Variants in EFCAB5 observed in about 807,000 individuals in gnomAD.
The protein encoded by EFCAB5 is EF-hand calcium-binding domain-containing protein 5.
EFCAB5 carries 131 observed loss-of-function variants against 167.9 expected under a neutral mutation model. That is an observed-to-expected ratio of 0.78 (90% CI 0.68 to 0.90). EFCAB5 has a LOEUF of 0.90. Among genes scored for constraint, EFCAB5 ranks in the 40% least tolerant of loss-of-function variants. The pLI is 0.00. For missense variants in EFCAB5, 1,663 were observed against 1,745.2 expected, an observed-to-expected ratio of 0.95 and a Z score of 0.84; for synonymous variants, 574 against 602.8, an observed-to-expected ratio of 0.95 and a Z score of 0.70.
intron 3 of EFCAB5, among the ~76,000 whole-genome samples, chr17:29,946,232 G>A (rs776562849): frequency 6.6e-6 from 1 of 152,046 alleles, no homozygotes; most frequent in Non-Finnish European, 1.5e-5. Flanking sequence ...GTGAAAAAGT[G>A]CTGAACATCA....
intron 3 of EFCAB5, among the ~76,000 whole-genome samples, chr17:29,958,748 GT>G (rs1387158188): frequency 6.6e-6 from 1 of 152,132 alleles, no homozygotes; most frequent in Non-Finnish European, 1.5e-5. Context: ...GTCTGGGCTT[GT>G]TTGTACCCAT....
At chr17:29,932,370 C>A (rs534508299) in intron 1 of EFCAB5, among the ~76,000 whole-genome samples, 1 of 150,186 alleles carries the variant, frequency 6.7e-6, no homozygotes, top group Non-Finnish European at 1.5e-5. Context: ...AGGCTGGTCT[C>A]GAACTCCTGT....
intron 9 of EFCAB5, among the ~76,000 whole-genome samples, chr17:30,052,925 G>T (rs1423460991): frequency 1.3e-5 from 2 of 152,310 alleles, no homozygotes; most frequent in Admixed American, 6.5e-5. Flanking sequence ...CCTATGTGAT[G>T]CTTATTGTAG....
At chr17:30,063,586 C>T (rs927214306) in intron 14 of EFCAB5, among the ~76,000 whole-genome samples, 9 of 152,148 alleles carry the variant, frequency 5.9e-5, no homozygotes, top group Non-Finnish European at 1.3e-4. Flanking sequence ...TACACCCAAC[C>T]CTGCCACAGA....
chr17:29,984,277 CAG>C (rs2151614666), intron 4 of EFCAB5, among the ~76,000 whole-genome samples: 1 of 151,422 alleles, frequency 6.6e-6, no homozygotes, highest in African/African-American at 2.4e-5. Flanking sequence ...GAGGATGAAA[CAG>C]ATAAATAGCA....
chr17:30,087,135 C>T lies in EFCAB5; in HGVS notation c.3652C>T (p.Pro1218Ser). 6.2e-7 allele frequency: 1 copy of T among 1,613,676 alleles called. No homozygotes were observed. Among genetic ancestry groups the T allele is most frequent in the Non-Finnish European group, 8.5e-7 (1 of 1,179,708 alleles). The change falls in exon 19 of 23, where the codon CCT (proline) becomes TCT (serine). Residue 1218 changes from proline to serine, a missense_variant. Physicochemically the swap from Pro to Ser is moderately conservative, Grantham distance 74. Coordinates refer to ENST00000394835, the MANE Select transcript of EFCAB5 (RefSeq NM_198529.4). ...TCTAACAGAAATCCACAAAAATCCTCCTACCATCCACAGGAAGTCATGCAT... is the reference window on the plus strand; with the variant it reads ...TCTAACAGAAATCCACAAAAATCCTTCTACCATCCACAGGAAGTCATGCAT... ...LGLTEIHKNP[P>S]TIHRKSCIFR...
At chr17:29,968,174 C>G (rs766708374) in intron 3 of EFCAB5, among the ~76,000 whole-genome samples, 14 of 152,190 alleles carry the variant, frequency 9.2e-5, no homozygotes, top group Non-Finnish European at 1.9e-4. Flanking sequence ...CTGCGCCCAG[C>G]CTTCCCTACC....
At chr17:30,035,719 C>T (rs2069597735) in intron 8 of EFCAB5, among the ~76,000 whole-genome samples, 1 of 152,128 alleles carries the variant, frequency 6.6e-6, no homozygotes, top group South Asian at 2.1e-4. Flanking sequence ...CTCAACTTCT[C>T]ATCCTTGAAG....
At chr17:30,003,964 T>A (rs528750523) in intron 7 of EFCAB5, among the ~76,000 whole-genome samples, 1 of 152,330 alleles carries the variant, frequency 6.6e-6, no homozygotes, top group Non-Finnish European at 1.5e-5. Context: ...ACTAGGGAAA[T>A]GAGGCATGCA....
intron 6 of EFCAB5, among the ~76,000 whole-genome samples, 199 bp from the exon 7 acceptor site, chr17:29,999,707 G>A (rs151274973): frequency 1.3e-4 from 19 of 151,596 alleles, no homozygotes; most frequent in African/African-American, 4.4e-4. Context: ...TTAGTATTTG[G>A]TTTGCTTGCT....
intron 4 of EFCAB5, among the ~76,000 whole-genome samples, chr17:29,971,818 A>G (rs539612005): frequency 2.8e-4 from 42 of 152,212 alleles, no homozygotes; most frequent in Non-Finnish European, 2.5e-4. Flanking sequence ...AATACGGTAT[A>G]TATCTATCTA....
intron 7 of EFCAB5, among the ~76,000 whole-genome samples, chr17:30,016,832 C>G (rs1486549963): frequency 6.6e-6 from 1 of 152,064 alleles, no homozygotes; most frequent in Non-Finnish European, 1.5e-5. Context: ...AATCTTAAAA[C>G]TTTTAAATGA....
chr17:30,004,787 A>ATTTTTTTTTT (rs60231360), intron 7 of EFCAB5, among the ~76,000 whole-genome samples: 740 of 114,492 alleles, frequency 6.5e-3, no homozygotes, highest in Non-Finnish European at 8.0e-3. Context: ...CTCCTGGCTA[A>ATTTTTTTTTT]TTTTTTTTTT....
chr17:30,051,772 T>C (rs1036818854), intron 9 of EFCAB5, among the ~76,000 whole-genome samples: 28 of 152,130 alleles, frequency 1.8e-4, no homozygotes, highest in Non-Finnish European at 2.6e-4. Context: ...TTGCCAAGGA[T>C]AGTCTCAAAT....
chr17:30,007,302 G>C (rs576921947), intron 7 of EFCAB5, among the ~76,000 whole-genome samples: 73 of 152,226 alleles, frequency 4.8e-4, no homozygotes, highest in African/African-American at 1.3e-3. Flanking sequence ...TGATGAAGCT[G>C]TCATCCCTCC....
At chr17:30,096,397 G>T (rs892402043) in intron 22 of EFCAB5, among the ~76,000 whole-genome samples, 1 of 151,850 alleles carries the variant, frequency 6.6e-6, no homozygotes, top group African/African-American at 2.4e-5. Context: ...TTGATGAGAC[G>T]TGGAGCATGG....
intron 4 of EFCAB5, among the ~76,000 whole-genome samples, chr17:29,985,055 G>C (rs2068252723): frequency 6.6e-6 from 1 of 152,164 alleles, no homozygotes; most frequent in Non-Finnish European, 1.5e-5. Flanking sequence ...AATTGTACTT[G>C]AAACCAGCGA....
At chr17:30,006,546 T>C (rs563162999) in intron 7 of EFCAB5, among the ~76,000 whole-genome samples, 1 of 152,358 alleles carries the variant, frequency 6.6e-6, no homozygotes, top group African/African-American at 2.4e-5. Flanking sequence ...ACCTTCTTTT[T>C]ATAGGTAGCT....
chr17:30,052,225 C>T (rs570613835), intron 9 of EFCAB5, among the ~76,000 whole-genome samples: 578 of 152,234 alleles, frequency 3.8e-3, no homozygotes, highest in Non-Finnish European at 6.7e-3. Context: ...AGTACAATGG[C>T]GCGATCTCAG....
Sources: allele counts gnomAD v4.1 joint callset (sites outside exome capture counted in the v4.1 genomes callset), GRCh38; gene constraint gnomAD v4.1.1; transcripts MANE v1.5; gene names NCBI Gene and HGNC (gene_info 2026-07-23, HGNC 2026-07-21).